The following TMEM141 variants were observed in gnomAD, a reference collection of about 807,000 sequenced individuals.
TMEM141 encodes transmembrane protein 141.
In TMEM141, 18 loss-of-function variants were observed where a neutral mutation model predicts 15.9. The observed-to-expected ratio is 1.13, with a 90% CI of 0.78 to 1.68. The LOEUF is 1.68. Ranked by LOEUF, TMEM141 falls within the 40% of genes most tolerant of loss-of-function variation. The pLI, the probability that TMEM141 is intolerant of heterozygous loss-of-function variation, is 0.00. For synonymous variants in TMEM141, 69 were observed against 54.0 expected (o/e 1.28, Z -1.22); for missense variants, 161 against 139.5 (o/e 1.15, Z -0.78).
chr9:136,791,801 C>CG (rs746376873), intron 2 of TMEM141, 24 bp downstream of exon 2: 1 of 1,611,076 alleles, frequency 6.2e-7, no homozygotes, highest in Non-Finnish European at 8.5e-7. Flanking sequence ...AGGTGTCCTG[C>CG]GGCTGGGAGA....
Position 136,792,304 on chromosome 9 carries a change from A to C in TMEM141, c.259A>C (p.Asn87His). The change falls in exon 4 of 5, where the codon AAC (asparagine) becomes CAC (histidine). Residue 87 changes from asparagine (N) to histidine (H), a missense_variant. Transcript: ENST00000290079. The part of the protein sequence containing the change: ...GVTRVESEKC[N>H]NLWLFLETGQ... ...GACGAGAGTGGAGTCGGAGAAATGC[A>C]ACAACCTCTGGCTCTTCCTGGAGAC... 1.3e-6 allele frequency: 2 copies of C among 1,590,670 alleles called. No individual in the cohort carries two copies. The highest frequency in any genetic ancestry group is 8.6e-7 in the Non-Finnish European group (1 of 1,168,146).
chr9:136,792,121 G>A, intron 3 of TMEM141, 91 bp downstream of exon 3: 1 of 1,561,204 alleles, frequency 6.4e-7, no homozygotes, highest in Non-Finnish European at 8.8e-7. Context: ...ACTCTGACAT[G>A]GAGCCCCAGG....
Position 136,791,647 on chromosome 9 carries a change from G to A in TMEM141, c.55-64G>A, listed in dbSNP as rs1047043297. 11 of 1,598,800 alleles carry A rather than the reference G, an allele frequency of 6.9e-6. No individual in the cohort carries two copies. In the Middle Eastern group the frequency reaches 5.1e-4, roughly 74 times the overall value. On this transcript the variant is annotated intron_variant, in intron 1 of 4. Coordinates refer to ENST00000290079, the MANE Select transcript of TMEM141 (RefSeq NM_032928.4). ...ACAGCCAGGGTGTGCCCAGAGGAGG[G>A]ACAGGAGAGGCGGTGAAGGAAGAGG...
chr9:136,792,429 C>T lies in TMEM141; in HGVS notation c.313+71C>T, dbSNP rs1847600707. 3 of 1,258,372 alleles carry T rather than the reference C, an allele frequency of 2.4e-6. No homozygotes were observed. The East Asian group carries it at 7.6e-5, about 32-fold the overall frequency. The allele number at this position is 1,258,372 out of a possible 1,614,324, so 78.0% of individuals were successfully genotyped here. A position where few individuals can be genotyped will look rare whatever the true frequency, so the allele number is the denominator to read the frequency against. ...GCACCCAGAGTTTTGGGCAGCCAAG[C>T]CTGGGTGCACCATGCGATAGGCTAG... On this transcript the variant is annotated intron_variant, in intron 4 of 4. Coordinates refer to ENST00000290079, the MANE Select transcript of TMEM141 (RefSeq NM_032928.4).
intron 4 of TMEM141, among the ~76,000 whole-genome samples, chr9:136,792,613 G>T (rs1168204299): frequency 6.6e-6 from 1 of 152,236 alleles, no homozygotes; most frequent in Non-Finnish European, 1.5e-5. Flanking sequence ...AGGGTGCAGA[G>T]TGAAGGGTGT....
chr9:136,791,633 G>A lies in TMEM141; in HGVS notation c.55-78G>A. ...GGTCTCACTCCTCCACAGCCAGGGT[G>A]TGCCCAGAGGAGGGACAGGAGAGGC... On this transcript the variant is annotated intron_variant, in intron 1 of 4. Coordinates refer to ENST00000290079, the MANE Select transcript of TMEM141 (RefSeq NM_032928.4). 2.5e-6 allele frequency: 4 copies of A among 1,589,226 alleles called. No individual in the cohort carries two copies. The South Asian group carries it at 4.6e-5, about 18-fold the overall frequency.
intron 4 of TMEM141, 38 bp from the exon 5 acceptor site, chr9:136,792,781 G>A (rs763902345): frequency 3.4e-5 from 51 of 1,495,796 alleles, no homozygotes; most frequent in Non-Finnish European, 4.4e-5. Flanking sequence ...CAGCCACGAT[G>A]GATGTGGTTC....
intron 1 of TMEM141, 81 bp downstream of exon 1, chr9:136,791,505 C>G: frequency 6.5e-7 from 1 of 1,546,568 alleles, no homozygotes; most frequent in Non-Finnish European, 8.7e-7. Flanking sequence ...CGTGGGGGTG[C>G]CCTCGTCAGG....
intron 2 of TMEM141, 43 bp downstream of exon 2, chr9:136,791,820 C>CTT (rs1326893778): frequency 6.2e-7 from 1 of 1,607,956 alleles, no homozygotes; most frequent in Admixed American, 1.7e-5. Flanking sequence ...GAGAACGCAC[C>CTT]CTCCCGCCCT....
At position 136,791,391 on chromosome 9, in the gene TMEM141, C is replaced by T; in HGVS notation, c.21C>T (p.Ser7=). The T allele has an allele frequency of 6.4e-7, 1 of 1,561,160 alleles. No individual in the cohort carries two copies. Among genetic ancestry groups the T allele is most frequent in the South Asian group, 1.2e-5 (1 of 85,152 alleles). MVNLGL[S]RVDDAVAAKH... is the part of the protein sequence containing the mutation. The stretch of plus-strand genomic sequence containing the variant: ...CAACCATGGTGAACTTGGGTCTGTC[C>T]CGGGTGGACGACGCCGTGGCTGCCA... Residue 7 remains serine, a synonymous_variant, in exon 1 of 5, where the codon TCC becomes TCT. Transcript: ENST00000290079.
intron 3 of TMEM141, 61 bp downstream of exon 3, chr9:136,792,091 GC>G (rs1847596870): frequency 6.2e-7 from 1 of 1,603,002 alleles, no homozygotes; most frequent in South Asian, 1.1e-5. Context: ...TAGGGTTGGG[GC>G]TGTGGTTCTG....
In TMEM141 at chr9:136,792,860, T is replaced by C. The variant is rs1847604858; in HGVS notation, c.*28T>C. 6.5e-7 allele frequency: 1 copy of C among 1,540,796 alleles called. No individual in the cohort carries two copies. Among genetic ancestry groups the C allele is most frequent in the Non-Finnish European group, 8.8e-7 (1 of 1,142,682 alleles). ...GAGCTCCAGCAGGGGCACAGAGGAT[T>C]GGGGGCAGGAGGAGTCTGGAACACA... On this transcript the variant is annotated 3_prime_UTR_variant, in exon 5 of 5. Coordinates refer to ENST00000290079, the MANE Select transcript of TMEM141 (RefSeq NM_032928.4).
Position 136,792,902 on chromosome 9 carries a change from A to T in TMEM141, c.*70A>T, listed in dbSNP as rs370536028. The T allele has an allele frequency of 7.0e-7, 1 of 1,438,096 alleles. No homozygotes were observed. Among genetic ancestry groups the T allele is most frequent in the Non-Finnish European group, 9.2e-7 (1 of 1,089,892 alleles). The allele number at this position is 1,438,096 out of a possible 1,614,324, so 89.1% of individuals were successfully genotyped here. ...TGGAACACAGCCTTCATGCCCCCTG[A>T]CCCCAGGCCGACCCTCCCCACACCC... On this transcript the variant is annotated 3_prime_UTR_variant, in exon 5 of 5. Transcript: ENST00000290079.
Position 136,791,943 on chromosome 9 carries a change from G to C in TMEM141, c.122-4G>C. ...AGGTTGATGGGGACCTCGGCTCTTTGCAGGCACCGGCATGGCCTTTGGCTT... is the reference window on the plus strand; with the variant it reads ...AGGTTGATGGGGACCTCGGCTCTTTCCAGGCACCGGCATGGCCTTTGGCTT... On this transcript the variant is annotated splice_polypyrimidine_tract_variant and splice_region_variant and intron_variant, in intron 2 of 4. Transcript: ENST00000290079. 1 of 1,614,078 alleles carries C rather than the reference G, an allele frequency of 6.2e-7. No homozygotes were observed. Among genetic ancestry groups the C allele is most frequent in the Non-Finnish European group, 8.5e-7 (1 of 1,179,994 alleles).
rs912094316 is a variant in TMEM141, at chr9:136,792,980, C to T, written c.*148C>T. 5.2e-6 allele frequency: 6 copies of T among 1,146,970 alleles called. No homozygotes were observed. In the African/African-American group the frequency reaches 6.3e-5, roughly 12 times the overall value. The allele number at this position is 1,146,970 out of a possible 1,614,324, so 71.0% of individuals were successfully genotyped here. The stretch of plus-strand genomic sequence containing the variant: ...CGCATGTGTGGCCAGGCCTGACAAA[C>T]ACCTGCAGATGGCTGCTGCCCCAAC... On this transcript the variant is annotated 3_prime_UTR_variant, in exon 5 of 5. Coordinates refer to ENST00000290079, the MANE Select transcript of TMEM141 (RefSeq NM_032928.4).
Position 136,793,031 on chromosome 9 carries a change from C to A in TMEM141, c.*199C>A. 2 of 547,414 alleles carry A rather than the reference C, an allele frequency of 3.7e-6. No individual in the cohort carries two copies. Among genetic ancestry groups the A allele is most frequent in the Non-Finnish European group, 5.3e-6 (2 of 378,616 alleles). The allele number at this position is 547,414 out of a possible 1,614,324, so 33.9% of individuals were successfully genotyped here. A position where few individuals can be genotyped will look rare whatever the true frequency, so the allele number is the denominator to read the frequency against. ...CTGGGACCTGCCCAGGAGGTTGGAG[C>A]AGAAAGGGCTCTCCCTGGGGTGGTG... On this transcript the variant is annotated 3_prime_UTR_variant, in exon 5 of 5. Transcript: ENST00000290079.
intron 1 of TMEM141, 80 bp downstream of exon 1, chr9:136,791,504 G>T (rs1365764055): frequency 5.8e-6 from 9 of 1,546,946 alleles, no homozygotes; most frequent in East Asian, 4.9e-5. Flanking sequence ...GCGTGGGGGT[G>T]CCCTCGTCAG....
chr9:136,791,946 G>A lies in TMEM141; in HGVS notation c.122-1G>A. ...TTGATGGGGACCTCGGCTCTTTGCA[G>A]GCACCGGCATGGCCTTTGGCTTGCA... On this transcript the variant is annotated splice_acceptor_variant, in intron 2 of 4. Coordinates refer to ENST00000290079, the MANE Select transcript of TMEM141 (RefSeq NM_032928.4). LOFTEE classifies it high-confidence loss of function. 2 of 1,614,132 alleles carry A rather than the reference G, an allele frequency of 1.2e-6. No homozygotes were observed. Among genetic ancestry groups the A allele is most frequent in the Non-Finnish European group, 1.7e-6 (2 of 1,180,018 alleles).
At chr9:136,792,714 C>T (rs1015768764) in intron 4 of TMEM141, 105 bp from the exon 5 acceptor site, 9 of 890,376 alleles carry the variant, frequency 1.0e-5, no homozygotes, top group Admixed American at 4.8e-5. Context: ...CTCCACTGCC[C>T]GTTGTCCTTG....
Sources: allele counts gnomAD v4.1 joint callset (sites outside exome capture counted in the v4.1 genomes callset), GRCh38; gene constraint gnomAD v4.1.1; transcripts MANE v1.5; gene names NCBI Gene and HGNC (gene_info 2026-07-23, HGNC 2026-07-21).